Variants in NPFFR2 observed in about 807,000 individuals in gnomAD.
NPFFR2 encodes the protein G-protein coupled receptor 74.
In NPFFR2, 15 loss-of-function variants were observed where a neutral mutation model predicts 13.1. The ratio of observed to expected loss-of-function variants is 1.15; its 90% CI spans 0.77 to 1.76. NPFFR2 has a LOEUF of 1.76. Ranked by LOEUF, NPFFR2 falls within the 40% of genes most tolerant of loss-of-function variation. The pLI, the probability that NPFFR2 is intolerant of heterozygous loss-of-function variation, is 0.00. For synonymous variants in NPFFR2, 190 were observed against 175.7 expected (o/e 1.08, Z -0.65); for missense variants, 572 against 503.5 (o/e 1.14, Z -1.30).
intron 2 of NPFFR2, among the ~76,000 whole-genome samples, chr4:72,130,665 C>T (rs886932693): frequency 6.6e-6 from 1 of 152,170 alleles, no homozygotes; most frequent in Non-Finnish European, 1.5e-5. Flanking sequence ...GGAGGGGGAG[C>T]ATGCAGGTGA....
chr4:72,122,618 A>G (rs189619592), intron 1 of NPFFR2, among the ~76,000 whole-genome samples: 11 of 152,362 alleles, frequency 7.2e-5, no homozygotes, highest in African/African-American at 2.4e-4. Flanking sequence ...CTGCACAACT[A>G]CATAGAAACC....
intron 1 of NPFFR2, among the ~76,000 whole-genome samples, chr4:72,119,704 G>C (rs550813987): frequency 6.6e-6 from 1 of 152,294 alleles, no homozygotes; most frequent in South Asian, 2.1e-4. Flanking sequence ...CTAGCCAAGG[G>C]AAGCCCTGAG....
At chr4:72,139,411 A>G (rs980419791) in intron 3 of NPFFR2, among the ~76,000 whole-genome samples, 7 of 152,166 alleles carry the variant, frequency 4.6e-5, no homozygotes, top group Non-Finnish European at 8.8e-5. Context: ...TTAAGTCTTT[A>G]ATCCATCTTG....
chr4:72,147,474 A>G lies in NPFFR2; in HGVS notation c.925A>G (p.Ile309Val), dbSNP rs1374567684. ...TGACCTTTCTCCAAATGAACTGCAG[A>G]TCATCAACATCTACATCTACCCTTT... ...YADLSPNELQIINIYIYPFAH... is the reference protein window; with the variant it reads ...YADLSPNELQVINIYIYPFAH... The change falls in exon 4 of 4, where the codon ATC (isoleucine) becomes GTC (valine). Residue 309 changes from isoleucine to valine, a missense_variant. By Grantham distance (29) the Ile-to-Val change is conservative (BLOSUM62 3). Coordinates refer to ENST00000308744, the MANE Select transcript of NPFFR2 (RefSeq NM_004885.3). 1.2e-6 allele frequency: 2 copies of G among 1,614,176 alleles called. No individual in the cohort carries two copies. Among genetic ancestry groups the G allele is most frequent in the Non-Finnish European group, 1.7e-6 (2 of 1,180,038 alleles).
intron 1 of NPFFR2, among the ~76,000 whole-genome samples, chr4:72,124,129 T>C: frequency 6.6e-6 from 1 of 151,716 alleles, no homozygotes; most frequent in East Asian, 1.9e-4. Context: ...AATAGAAAAA[T>C]AGAGCCAAAT....
chr4:72,072,217 C>T (rs774227367), intron 1 of NPFFR2, among the ~76,000 whole-genome samples: 5 of 151,716 alleles, frequency 3.3e-5, no homozygotes, highest in African/African-American at 7.3e-5. Flanking sequence ...AAAGGAAAAC[C>T]GCACAAACTT....
chr4:72,035,950 A>G (rs1210874605), intron 1 of NPFFR2, among the ~76,000 whole-genome samples: 6 of 152,142 alleles, frequency 3.9e-5, no homozygotes, highest in Non-Finnish European at 7.3e-5. Flanking sequence ...AACAAGTCTC[A>G]GTTGATCCAT....
chr4:72,046,279 T>A lies in NPFFR2; in HGVS notation c.-8+14079T>A, dbSNP rs142479312. ...TTGAAATTTAATTGCCAATATAATA[T>A]TATTGCAAACTGGGGACTTTAACAG... On this transcript the variant is annotated intron_variant, in intron 1 of 3. Coordinates refer to ENST00000308744, the MANE Select transcript of NPFFR2 (RefSeq NM_004885.3). Among the ~76,000 whole-genome samples the A allele has an allele frequency of 1.7e-4, 26 of 152,278 alleles. No individual in the cohort carries two copies. The East Asian group carries it at 4.6e-3, about 27-fold the overall frequency.
intron 1 of NPFFR2, among the ~76,000 whole-genome samples, chr4:72,041,703 A>C (rs575712749): frequency 9.2e-5 from 14 of 152,270 alleles, no homozygotes; most frequent in Non-Finnish European, 2.9e-5. Context: ...AATTGGTGTG[A>C]GATGATATCT....
intron 1 of NPFFR2, among the ~76,000 whole-genome samples, chr4:72,114,656 T>C (rs942085151): frequency 3.3e-5 from 5 of 152,182 alleles, no homozygotes; most frequent in Admixed American, 1.3e-4. Context: ...AGCTTTTTCA[T>C]CACCTTATAA....
At chr4:72,091,370 T>C (rs887221133) in intron 1 of NPFFR2, among the ~76,000 whole-genome samples, 15 of 152,146 alleles carry the variant, frequency 9.9e-5, no homozygotes, top group Non-Finnish European at 1.9e-4. Context: ...GATTCCCTCT[T>C]TCTCTATCTC....
Position 72,038,901 on chromosome 4 carries a change from C to CTTTTTTTTTTTTT in NPFFR2, c.-8+6704_-8+6705insTTTTTTTTTTTTT, listed in dbSNP as rs34623356. Among the ~76,000 whole-genome samples the CTTTTTTTTTTTTT allele has an allele frequency of 9.2e-5, 8 of 86,914 alleles. 2 individuals carry two copies. The highest frequency in any genetic ancestry group is 9.5e-4 in the South Asian group (2 of 2,104). 57.0% of individuals were successfully genotyped at this position (86,914 alleles called of 152,430 possible). A position where few individuals can be genotyped will look rare whatever the true frequency, so the allele number is the denominator to read the frequency against. On this transcript the variant is annotated intron_variant, in intron 1 of 3. Transcript: ENST00000308744. ...TTTTAATTCTTGATTTTTAAATTTC[C>CTTTTTTTTTTTTT]TTTCTTTTTTTTTTTTTTTTTTTTT...
chr4:72,143,587 A>G (rs1219510390), intron 3 of NPFFR2, among the ~76,000 whole-genome samples: 1 of 152,176 alleles, frequency 6.6e-6, no homozygotes, highest in Non-Finnish European at 1.5e-5. Context: ...AAACACTTTT[A>G]TAGGCGCATC....
chr4:72,115,918 G>A (rs1721700651), intron 1 of NPFFR2, among the ~76,000 whole-genome samples: 1 of 152,098 alleles, frequency 6.6e-6, no homozygotes, highest in African/African-American at 2.4e-5. Flanking sequence ...GATCATTCTA[G>A]TTTGGGACAA....
In NPFFR2 at chr4:72,108,126, T is replaced by A. The variant is rs189722503; in HGVS notation, c.-7-20459T>A. Among the ~76,000 whole-genome samples the A allele has an allele frequency of 2.6e-3, 400 of 152,016 alleles. 1 individual carries two copies. Among genetic ancestry groups the A allele is most frequent in the Admixed American group, 4.4e-3 (67 of 15,238 alleles). ...CAAGTGATGAGGCCTCCAAGGAGGG[T>A]TTTGCAGTGTTATATACCACAGCAG... On this transcript the variant is annotated intron_variant, in intron 1 of 3. Coordinates refer to ENST00000308744, the MANE Select transcript of NPFFR2 (RefSeq NM_004885.3).
At chr4:72,092,328 G>A (rs1444000796) in intron 1 of NPFFR2, among the ~76,000 whole-genome samples, 1 of 151,904 alleles carries the variant, frequency 6.6e-6, no homozygotes, top group Non-Finnish European at 1.5e-5. Context: ...TTGGGTAGAA[G>A]GTTCTGTAAA....
intron 1 of NPFFR2, among the ~76,000 whole-genome samples, chr4:72,126,189 A>G (rs572068329): frequency 7.2e-5 from 11 of 152,326 alleles, no homozygotes; most frequent in African/African-American, 2.2e-4. Flanking sequence ...TCATTTAACT[A>G]CGGTAGAATC....
Position 72,113,392 on chromosome 4 carries a change from C to T in NPFFR2, c.-7-15193C>T, listed in dbSNP as rs546468477. 1.1e-3 allele frequency among the ~76,000 whole-genome samples: 160 copies of T among 152,196 alleles called. 1 individual carries two copies. The highest frequency in any genetic ancestry group is 3.5e-3 in the African/African-American group (145 of 41,532). ...GATAGAAATTGTTCTATCTTCCCCT[C>T]TTCCAGCCACCCTTCATCAATCCAT... On this transcript the variant is annotated intron_variant, in intron 1 of 3. Coordinates refer to ENST00000308744, the MANE Select transcript of NPFFR2 (RefSeq NM_004885.3).
chr4:72,139,592 C>G (rs988244742), intron 3 of NPFFR2, among the ~76,000 whole-genome samples: 9 of 152,062 alleles, frequency 5.9e-5, no homozygotes, highest in Admixed American at 1.3e-4. Flanking sequence ...ATTTCTGAGG[C>G]CTCTGTTCTG....
Sources: allele counts gnomAD v4.1 joint callset (sites outside exome capture counted in the v4.1 genomes callset), GRCh38; gene constraint gnomAD v4.1.1; transcripts MANE v1.5; gene names NCBI Gene and HGNC (gene_info 2026-07-23, HGNC 2026-07-21).